Variants in PHF11 observed in about 807,000 individuals in gnomAD.
The protein encoded by PHF11 is PHD finger protein 11.
In PHF11, 38 loss-of-function variants were observed where a neutral mutation model predicts 40.5. The observed-to-expected ratio is 0.94, with a 90% CI of 0.72 to 1.23. PHF11 has a LOEUF of 1.23. Ranked by LOEUF, PHF11 falls within the 50% of genes most tolerant of loss-of-function variation. PHF11 has a pLI of 0.00. For missense variants in PHF11, 369 were observed against 392.4 expected (o/e 0.94, Z 0.50); for synonymous variants, 127 against 138.2 (o/e 0.92, Z 0.57).
intron 6 of PHF11, 114 bp from the exon 7 acceptor site, chr13:49,523,061 C>A: frequency 1.3e-6 from 1 of 791,686 alleles, no homozygotes; most frequent in Admixed American, 2.0e-5. Context: ...CCGCGCCCAG[C>A]CAGGGCATGA....
chr13:49,528,676 T>C lies in PHF11; in HGVS notation c.*11T>C. 1.3e-6 allele frequency: 2 copies of C among 1,570,352 alleles called. No individual in the cohort carries two copies. Among genetic ancestry groups the C allele is most frequent in the Non-Finnish European group, 1.7e-6 (2 of 1,157,206 alleles). ...TCCCTGTCTTATTAGGGATTACCGT[T>C]TCCTAAGCCAAGAGTCATGTCAAAT... On this transcript the variant is annotated 3_prime_UTR_variant, in exon 10 of 10. Transcript: ENST00000378319.
intron 3 of PHF11, among the ~76,000 whole-genome samples, chr13:49,514,049 G>T (rs1431450510): frequency 6.6e-6 from 1 of 152,124 alleles, no homozygotes; most frequent in Non-Finnish European, 1.5e-5. Context: ...ACTAATCAGG[G>T]GTCAGCTCCT....
chr13:49,524,774 C>G (rs535933145), intron 8 of PHF11, among the ~76,000 whole-genome samples: 79 of 152,208 alleles, frequency 5.2e-4, no homozygotes, highest in African/African-American at 1.8e-3. Context: ...CCATGCCTGG[C>G]CCTTTACCTC....
At chr13:49,518,980 C>T (rs941716538) in intron 4 of PHF11, 6 of 151,578 alleles carry the variant, frequency 4.0e-5, no homozygotes, top group East Asian at 1.9e-4. Context: ...GGACTACAGG[C>T]GCCCGCTACC....
intron 5 of PHF11, 66 bp downstream of exon 5, chr13:49,521,006 T>C: frequency 1.3e-6 from 2 of 1,481,716 alleles, no homozygotes; most frequent in Admixed American, 2.3e-5. Context: ...ACATAAGGAA[T>C]AGTCTAATTT....
rs1190352307 is a variant in PHF11 at position 49,528,694 on chromosome 13, T to C, written c.*29T>C. ...TTACCGTTTCCTAAGCCAAGAGTCATGTCAAATTGCAATCAGGCTCAAAAC... is the reference window on the plus strand; with the variant it reads ...TTACCGTTTCCTAAGCCAAGAGTCACGTCAAATTGCAATCAGGCTCAAAAC... On this transcript the variant is annotated 3_prime_UTR_variant, in exon 10 of 10. Transcript: ENST00000378319. The C allele has an allele frequency of 3.3e-6, 5 of 1,531,846 alleles. No homozygotes were observed. The highest frequency in any genetic ancestry group is 2.8e-5 in the African/African-American group (2 of 72,306). 94.9% of individuals were successfully genotyped at this position (1,531,846 alleles called of 1,614,324 possible). A position where few individuals can be genotyped will look rare whatever the true frequency, so the allele number is the denominator to read the frequency against.
At chr13:49,504,323 A>T (rs1043758899) in intron 1 of PHF11, among the ~76,000 whole-genome samples, 2 of 151,878 alleles carry the variant, frequency 1.3e-5, no homozygotes, top group Admixed American at 1.3e-4. Context: ...ATGGTGGCCT[A>T]TATCTGTGGT....
In PHF11 at chr13:49,523,919, A is replaced by G. The variant is rs115675068; in HGVS notation, c.638-166A>G. The G allele has an allele frequency of 2.7e-3, 1,094 of 411,474 alleles. 6 individuals are homozygous for G. The highest frequency in any genetic ancestry group is 0.02 in the African/African-American group (950 of 48,490). 25.5% of individuals were successfully genotyped at this position (411,474 alleles called of 1,614,324 possible). A position where few individuals can be genotyped will look rare whatever the true frequency, so the allele number is the denominator to read the frequency against. On this transcript the variant is annotated intron_variant, in intron 7 of 9. Transcript: ENST00000378319. Reference sequence around the variant, plus strand: ...TCATTGTTTCAGCTGGCCAAAAAAAATGAGGTATGATGAAATTATAATTAA... The same window carrying G: ...TCATTGTTTCAGCTGGCCAAAAAAAGTGAGGTATGATGAAATTATAATTAA...
Position 49,506,674 on chromosome 13 carries a change from G to A in PHF11, c.134G>A (p.Cys45Tyr), listed in dbSNP as rs1958995995. Reference protein sequence around the residue: ...QVAEKMEKRTCALCPKDVEYN... With the variant: ...QVAEKMEKRTYALCPKDVEYN... ...GCAGAAAAGATGGAAAAAAGGACAT[G>A]TGCACTCTGCCCCAAAGATGTCGAA... The change falls in exon 2 of 10, where the codon TGT becomes TAT. Residue 45 changes from cysteine to tyrosine, a missense_variant. Transcript: ENST00000378319. The A allele has an allele frequency of 6.2e-7, 1 of 1,610,900 alleles. No homozygotes were observed.
At position 49,499,733 on chromosome 13, in the gene PHF11, A is replaced by G. The variant is rs564760226; in HGVS notation, c.94+3638A>G. ...ACATCCAGCAAACAGTGGAAGAACT[A>G]AAATAGTAAATTGCAATAAACACTA... On this transcript the variant is annotated intron_variant, in intron 1 of 9. Transcript: ENST00000378319. 7.2e-5 allele frequency among the ~76,000 whole-genome samples: 11 copies of G among 152,370 alleles called. No individual in the cohort carries two copies. The South Asian group carries it at 2.3e-3, about 32-fold the overall frequency.
Position 49,524,139 on chromosome 13 carries a change from A to C in PHF11, c.692A>C (p.Asn231Thr), listed in dbSNP as rs2139076477. 2 of 1,606,326 alleles carry C rather than the reference A, an allele frequency of 1.2e-6. No individual in the cohort carries two copies. The highest frequency in any genetic ancestry group is 1.7e-6 in the Non-Finnish European group (2 of 1,173,814). ...LKKCKEAGLL[N>T]YLLEEILDKV... The stretch of plus-strand genomic sequence containing the variant: ...AAATGCAAGGAAGCAGGACTTCTTA[A>C]TTACTTACTTGAAGAAATATTAGAC... The change falls in exon 8 of 10, where the codon AAT becomes ACT. Residue 231 changes from asparagine to threonine, a missense_variant. Physicochemically the swap from Asn to Thr is moderately conservative, Grantham distance 65 (BLOSUM62 0). Coordinates refer to ENST00000378319, the MANE Select transcript of PHF11 (RefSeq NM_001040443.3).
chr13:49,514,782 G>GT, intron 3 of PHF11, among the ~76,000 whole-genome samples: 1 of 150,662 alleles, frequency 6.6e-6, no homozygotes, highest in African/African-American at 2.4e-5. Flanking sequence ...AAAAAAGAGT[G>GT]TGTGGATCCT....
intron 3 of PHF11, among the ~76,000 whole-genome samples, chr13:49,515,729 G>A (rs1959144329): frequency 1.3e-5 from 2 of 151,936 alleles, no homozygotes; most frequent in South Asian, 4.2e-4. Context: ...ACTGACACTC[G>A]CCCGACTGTC....
intron 8 of PHF11, among the ~76,000 whole-genome samples, chr13:49,524,819 T>G (rs930883860): frequency 4.6e-5 from 7 of 152,108 alleles, no homozygotes; most frequent in African/African-American, 1.7e-4. Context: ...AGATCTACTA[T>G]CCTTCATAAA....
chr13:49,507,107 G>A (rs756098359), intron 2 of PHF11, among the ~76,000 whole-genome samples: 1 of 151,958 alleles, frequency 6.6e-6, no homozygotes, highest in Non-Finnish European at 1.5e-5. Flanking sequence ...GGGTTTCACC[G>A]TGTTAGCCAG....
intron 1 of PHF11, among the ~76,000 whole-genome samples, chr13:49,497,635 G>C (rs1201040417): frequency 6.6e-6 from 1 of 152,172 alleles, no homozygotes; most frequent in Non-Finnish European, 1.5e-5. Flanking sequence ...CCTGCAGAGC[G>C]GCCAAAATGC....
chr13:49,524,078 T>C lies in PHF11; in HGVS notation c.638-7T>C, dbSNP rs1366444270. On this transcript the variant is annotated splice_polypyrimidine_tract_variant and splice_region_variant and intron_variant, in intron 7 of 9. Transcript: ENST00000378319. ...ATTTCCTTCTCAAATGTTTGTCTTA[T>C]TCTTAGATGCAACTGTGAAAGTTCC... is the stretch of plus-strand genomic sequence containing the variant. 6.2e-7 allele frequency: 1 copy of C among 1,602,726 alleles called. No individual in the cohort carries two copies. Among genetic ancestry groups the C allele is most frequent in the Non-Finnish European group, 8.5e-7 (1 of 1,174,636 alleles).
intron 9 of PHF11, 57 bp from the exon 10 acceptor site, chr13:49,528,454 T>C (rs1341756570): frequency 1.6e-6 from 2 of 1,226,484 alleles, no homozygotes; most frequent in African/African-American, 1.5e-5. Flanking sequence ...AAATGGTACA[T>C]TATTTCTAAT....
In PHF11 at chr13:49,522,107, G is replaced by GTTTTTGTTT; in HGVS notation, c.570_570+1insTTTTTGTTT (p.Gln190_Pro191insPheLeuPhe). On this transcript the variant is annotated inframe_insertion and splice_region_variant. Coordinates refer to ENST00000378319, the MANE Select transcript of PHF11 (RefSeq NM_001040443.3). Reference sequence around the variant, plus strand: ...AACCCCTCTCAGGCAATCATGTACAGGTAATTTGACTTAGTTTTTATAGCT... The same window carrying GTTTTTGTTT: ...AACCCCTCTCAGGCAATCATGTACAGTTTTTGTTTGTAATTTGACTTAGTTTTTATAGCT... 1 of 1,519,698 alleles carries GTTTTTGTTT rather than the reference G, an allele frequency of 6.6e-7. No individual in the cohort carries two copies. Among genetic ancestry groups the GTTTTTGTTT allele is most frequent in the Non-Finnish European group, 9.1e-7 (1 of 1,097,778 alleles). 94.1% of individuals were successfully genotyped at this position (1,519,698 alleles called of 1,614,324 possible).
Sources: allele counts gnomAD v4.1 joint callset (sites outside exome capture counted in the v4.1 genomes callset), GRCh38; gene constraint gnomAD v4.1.1; transcripts MANE v1.5; gene names NCBI Gene and HGNC (gene_info 2026-07-23, HGNC 2026-07-21).